Variants in HMG20A observed in about 807,000 individuals in gnomAD.
The protein encoded by HMG20A is high mobility group 20A.
In HMG20A, 17 loss-of-function variants were observed where a neutral mutation model predicts 43.9. The ratio of observed to expected loss-of-function variants is 0.39; its 90% CI spans 0.27 to 0.58. The LOEUF (loss-of-function observed/expected upper bound fraction) is 0.58, where lower values mean the gene tolerates loss of function less well. Among genes scored for constraint, HMG20A ranks in the 20% least tolerant of loss-of-function variants. HMG20A has a pLI of 0.59. For synonymous variants in HMG20A, 132 were observed against 147.5 expected, an observed-to-expected ratio of 0.89 and a Z score of 0.76; for missense variants, 341 against 438.2, an observed-to-expected ratio of 0.78 and a Z score of 1.98.
chr15:77,454,665 A>G (rs780836736), intron 1 of HMG20A, among the ~76,000 whole-genome samples: 9 of 152,198 alleles, frequency 5.9e-5, no homozygotes, highest in Non-Finnish European at 1.2e-4. Context: ...GAGTTGATCT[A>G]CTTCTAGTGT....
In HMG20A at chr15:77,448,891, G is replaced by GA. The variant is rs1012940033; in HGVS notation, c.-4-9503dup. On this transcript the variant is annotated intron_variant, in intron 1 of 9. Coordinates refer to ENST00000336216, the MANE Select transcript of HMG20A (RefSeq NM_001304504.2). ...AAGGTCAGGAGTTCAAGACCAGCTGGAAAAAAAAAATTAGCTGGACATGGT... is the reference window on the plus strand; with the variant it reads ...AAGGTCAGGAGTTCAAGACCAGCTGGAAAAAAAAAAATTAGCTGGACATGGT... Among the ~76,000 whole-genome samples, 6 of 149,220 alleles carry GA rather than the reference G, an allele frequency of 4.0e-5. No homozygotes were observed. In the South Asian group the frequency reaches 1.1e-3, roughly 26 times the overall value.
At chr15:77,506,422 G>C in the HMG20A span, among the ~76,000 whole-genome samples, 3 of 152,212 alleles carry the variant, frequency 2.0e-5, no homozygotes, top group African/African-American at 7.2e-5. Flanking sequence ...TCCGGAGGCA[G>C]TGCGTTCTCC....
intron 1 of HMG20A, among the ~76,000 whole-genome samples, chr15:77,431,374 G>C (rs543184442): frequency 6.6e-6 from 1 of 152,152 alleles, no homozygotes; most frequent in East Asian, 1.9e-4. Flanking sequence ...ACCACACCCA[G>C]CTAATTTTTG....
chr15:77,450,488 G>A (rs2073724817), intron 1 of HMG20A, among the ~76,000 whole-genome samples: 1 of 152,184 alleles, frequency 6.6e-6, no homozygotes, highest in South Asian at 2.1e-4. Context: ...AGAAAGCAAA[G>A]ATGTCACTCA....
At chr15:77,474,492 C>A (rs2072837871) in intron 6 of HMG20A, among the ~76,000 whole-genome samples, 1 of 152,206 alleles carries the variant, frequency 6.6e-6, no homozygotes, top group Non-Finnish European at 1.5e-5. Context: ...GTGTCATAGT[C>A]TAACATTCTT....
chr15:77,477,577 G>A lies in HMG20A; in HGVS notation c.638G>A (p.Arg213Gln), dbSNP rs373468221. ...CAGAAAGAAACAGAGGTAAAGGAAC[G>A]GTCTGTTTTTGACATCCCTATATTT... ...DHEKETEVKE[R>Q]SVFDIPIFTE... Residue 213 changes from arginine (R) to glutamine (Q), a missense_variant, in exon 7 of 10, where the codon CGG (arginine) becomes CAG (glutamine). Transcript: ENST00000336216. The A allele has an allele frequency of 8.3e-5, 134 of 1,611,396 alleles. No homozygotes were observed. Among genetic ancestry groups the A allele is most frequent in the Non-Finnish European group, 1.1e-4 (129 of 1,177,996 alleles).
intron 1 of HMG20A, among the ~76,000 whole-genome samples, chr15:77,438,900 C>T (rs2073579446): frequency 6.6e-6 from 1 of 152,174 alleles, no homozygotes; most frequent in Non-Finnish European, 1.5e-5. Context: ...ACACCATTCT[C>T]CTGCCTCAGC....
At chr15:77,471,149 CTCCACTA>C (rs1293336127) in intron 5 of HMG20A, 107 bp downstream of exon 5, 2 of 1,111,146 alleles carry the variant, frequency 1.8e-6, no homozygotes, top group Non-Finnish European at 2.5e-6. Flanking sequence ...TCTGTTTTTT[CTCCACTA>C]TCCAGTATTC....
At chr15:77,432,284 TA>T (rs2073493421) in intron 1 of HMG20A, among the ~76,000 whole-genome samples, 1 of 152,192 alleles carries the variant, frequency 6.6e-6, no homozygotes, top group Non-Finnish European at 1.5e-5. Flanking sequence ...GAAAAATTTA[TA>T]GCCTTAAATG....
At chr15:77,431,828 A>G (rs1012873474) in intron 1 of HMG20A, among the ~76,000 whole-genome samples, 17 of 151,524 alleles carry the variant, frequency 1.1e-4, no homozygotes, top group African/African-American at 4.1e-4. Context: ...CTACCATTCT[A>G]CTCTATACTT....
chr15:77,494,351 A>G, the HMG20A span, among the ~76,000 whole-genome samples: 4 of 152,106 alleles, frequency 2.6e-5, no homozygotes, highest in African/African-American at 9.7e-5. Context: ...GTCTGGTCTC[A>G]AACTCCTAGG....
chr15:77,476,445 A>G (rs1008119570), intron 6 of HMG20A, among the ~76,000 whole-genome samples: 8 of 140,894 alleles, frequency 5.7e-5, no homozygotes, highest in African/African-American at 2.1e-4. Flanking sequence ...AGATCGTGCC[A>G]CTGTACTCCA....
the HMG20A span, among the ~76,000 whole-genome samples, chr15:77,515,758 T>C: frequency 2.0e-5 from 3 of 152,170 alleles, no homozygotes; most frequent in Non-Finnish European, 4.4e-5. Flanking sequence ...TGCATGAACA[T>C]GGGGCCACCA....
intron 1 of HMG20A, among the ~76,000 whole-genome samples, chr15:77,438,204 C>T (rs1038588774): frequency 6.9e-6 from 1 of 145,426 alleles, no homozygotes; most frequent in Non-Finnish European, 1.5e-5. Context: ...GTCTCAAACT[C>T]CTGGGCTCAA....
chr15:77,450,789 G>A (rs907744074), intron 1 of HMG20A, among the ~76,000 whole-genome samples: 2 of 152,206 alleles, frequency 1.3e-5, no homozygotes, highest in African/African-American at 4.8e-5. Context: ...GAAGTCCCAT[G>A]TGGAATTTTT....
chr15:77,469,598 A>G (rs1303199335), intron 4 of HMG20A, among the ~76,000 whole-genome samples: 1 of 152,066 alleles, frequency 6.6e-6, no homozygotes. Context: ...TGGCCTCCCA[A>G]CATCCTGTGA....
chr15:77,512,610 C>G, the HMG20A span, among the ~76,000 whole-genome samples: 22 of 151,838 alleles, frequency 1.4e-4, no homozygotes, highest in African/African-American at 5.1e-4. Context: ...AGAATGCAAA[C>G]TAATAAATGT....
chr15:77,448,750 C>G (rs912346796), intron 1 of HMG20A, among the ~76,000 whole-genome samples: 2 of 152,088 alleles, frequency 1.3e-5, no homozygotes, highest in Non-Finnish European at 2.9e-5. Flanking sequence ...ATCAGTTTCT[C>G]TATAGTTTGG....
the HMG20A span, among the ~76,000 whole-genome samples, chr15:77,505,162 G>A: frequency 6.6e-6 from 1 of 152,176 alleles, no homozygotes; most frequent in East Asian, 1.9e-4. Context: ...GCCCACAAGT[G>A]CCCTTCCAGC....
Sources: allele counts gnomAD v4.1 joint callset (sites outside exome capture counted in the v4.1 genomes callset), GRCh38; gene constraint gnomAD v4.1.1; transcripts MANE v1.5; gene names NCBI Gene and HGNC (gene_info 2026-07-23, HGNC 2026-07-21).